ZGRF1: variants seen among roughly 807,000 people sequenced by gnomAD.
ZGRF1 encodes the protein zinc finger GRF-type containing 1, also known as 5'-3' DNA helicase ZGRF1.
A neutral mutation model predicts 203.5 loss-of-function variants in ZGRF1; 196 were observed. That is an observed-to-expected ratio of 0.96 (90% CI 0.86 to 1.08). The LOEUF (loss-of-function observed/expected upper bound fraction) is 1.08, where lower values mean the gene tolerates loss of function less well. ZGRF1 is among the 50% of genes least tolerant of loss of function. ZGRF1 has a pLI of 0.00. For synonymous variants in ZGRF1, 809 were observed against 841.3 expected (o/e 0.96, Z 0.66); for missense variants, 2,326 against 2,416.3 (o/e 0.96, Z 0.78).
intron 18 of ZGRF1, chr4:112,561,235 A>G (rs1741915856): frequency 4.4e-6 from 2 of 455,152 alleles, no homozygotes; most frequent in East Asian, 3.9e-5. Flanking sequence ...AGCATTTTAC[A>G]TATTACTTGA....
intron 18 of ZGRF1, chr4:112,561,336 C>T (rs918004525): frequency 1.7e-4 from 38 of 229,648 alleles, no homozygotes; most frequent in Middle Eastern, 3.5e-3. Flanking sequence ...AATACCACAC[C>T]ACAAATAAGT....
At chr4:112,557,459 G>C (rs565881225) in intron 20 of ZGRF1, among the ~76,000 whole-genome samples, 145 of 152,306 alleles carry the variant, frequency 9.5e-4, no homozygotes, top group African/African-American at 3.3e-3. Flanking sequence ...ACAGGCATGA[G>C]CCACCATGCC....
At chr4:112,579,853 TAA>T (rs1745897506) in intron 16 of ZGRF1, among the ~76,000 whole-genome samples, 1 of 121,614 alleles carries the variant, frequency 8.2e-6, no homozygotes, top group African/African-American at 2.9e-5. Context: ...CTGCCCAAGG[TAA>T]TTTACAGATT....
At chr4:112,634,752 G>A (rs2047526495) in intron 1 of ZGRF1, among the ~76,000 whole-genome samples, 1 of 152,126 alleles carries the variant, frequency 6.6e-6, no homozygotes, top group Non-Finnish European at 1.5e-5. Context: ...GAATAGGTAA[G>A]GGGTATGCAA....
At chr4:112,557,745 A>G (rs1383073259) in intron 20 of ZGRF1, among the ~76,000 whole-genome samples, 1 of 152,192 alleles carries the variant, frequency 6.6e-6, no homozygotes, top group African/African-American at 2.4e-5. Context: ...GGGAGACATT[A>G]CTTCATCAGT....
chr4:112,629,525 C>G (rs916983469), intron 3 of ZGRF1, among the ~76,000 whole-genome samples: 1 of 148,634 alleles, frequency 6.7e-6, no homozygotes, highest in Non-Finnish European at 1.5e-5. Flanking sequence ...GTAAAAATTG[C>G]CAGGTGAGGT....
Position 112,576,835 on chromosome 4 carries a change from C to G in ZGRF1, c.4438+4828G>C, listed in dbSNP as rs542391380. Among the ~76,000 whole-genome samples the G allele has an allele frequency of 6.6e-5, 10 of 152,088 alleles. No homozygotes were observed. In the East Asian group the frequency reaches 1.9e-3, roughly 30 times the overall value. ...CCTGAAAGTGACAGGGAGAATGGAA[C>G]CAAGTTGGAAAACACTCTGCAGGAT... On this transcript the variant is annotated intron_variant, in intron 16 of 27. Coordinates refer to ENST00000505019, the MANE Select transcript of ZGRF1 (RefSeq NM_018392.5).
intron 10 of ZGRF1, among the ~76,000 whole-genome samples, chr4:112,600,937 C>T (rs1749856120): frequency 6.6e-6 from 1 of 152,014 alleles, no homozygotes. Context: ...CCACCTGGTC[C>T]CAGTTTTACT....
intron 7 of ZGRF1, among the ~76,000 whole-genome samples, chr4:112,610,101 A>G (rs1751362178): frequency 1.3e-5 from 2 of 152,134 alleles, no homozygotes; most frequent in South Asian, 4.1e-4. Flanking sequence ...ACGCTACTGC[A>G]GTCCAGCCTG....
At chr4:112,622,784 G>A (rs577423499) in intron 4 of ZGRF1, among the ~76,000 whole-genome samples, 1 of 151,930 alleles carries the variant, frequency 6.6e-6, no homozygotes, top group South Asian at 2.1e-4. Flanking sequence ...TCTTTGAGAG[G>A]AAAAACACAA....
intron 16 of ZGRF1, among the ~76,000 whole-genome samples, chr4:112,580,845 T>A (rs1022962043): frequency 5.3e-5 from 8 of 152,070 alleles, no homozygotes; most frequent in African/African-American, 1.9e-4. Flanking sequence ...GTAAACTAGT[T>A]CAACCATTGT....
At chr4:112,625,280 C>T (rs530403187) in intron 3 of ZGRF1, among the ~76,000 whole-genome samples, 19 of 149,500 alleles carry the variant, frequency 1.3e-4, no homozygotes, top group Non-Finnish European at 2.8e-4. Flanking sequence ...CAGAGCAAGA[C>T]CCTGTCTATT....
chr4:112,539,949 C>T lies in ZGRF1; in HGVS notation c.6086G>A (p.Arg2029Lys), dbSNP rs368597840. ...SEKRMNVALT[R>K]GKRHLLIVGN... is the part of the protein sequence containing the mutation. ...CACAATCAACAAATGCCTCTTTCCT[C>T]TAGTCAATGCAACATTCATTCTTTT... The change falls in exon 27 of 28, where the codon AGA becomes AAA. Residue 2029 changes from arginine to lysine, a missense_variant. Transcript: ENST00000505019. 1.0e-4 allele frequency: 163 copies of T among 1,613,776 alleles called. 1 individual carries two copies. Among genetic ancestry groups the T allele is most frequent in the Non-Finnish European group, 1.3e-4 (158 of 1,179,828 alleles).
intron 11 of ZGRF1, among the ~76,000 whole-genome samples, chr4:112,588,647 A>C (rs1417182050): frequency 6.6e-6 from 1 of 152,200 alleles, no homozygotes; most frequent in African/African-American, 2.4e-5. Context: ...TATATAAACA[A>C]ATGAATAATA....
At chr4:112,595,679 G>A (rs77226231) in intron 10 of ZGRF1, among the ~76,000 whole-genome samples, 4,271 of 152,244 alleles carry the variant, frequency 0.028, 96 homozygotes, top group Middle Eastern at 0.095. Flanking sequence ...AGAAGTCTAA[G>A]TGAAGATTAA....
At chr4:112,583,896 C>T in intron 15 of ZGRF1, 82 bp downstream of exon 15, 2 of 915,670 alleles carry the variant, frequency 2.2e-6, no homozygotes, top group Non-Finnish European at 3.2e-6. Context: ...ATCTTAATCT[C>T]TTTTAAAACT....
chr4:112,606,428 G>A (rs1750786850), intron 8 of ZGRF1, among the ~76,000 whole-genome samples: 1 of 152,150 alleles, frequency 6.6e-6, no homozygotes, highest in South Asian at 2.1e-4. Context: ...TTGGGAGGAC[G>A]AGGCAGGCAG....
chr4:112,622,501 C>T (rs1265005162), intron 4 of ZGRF1, among the ~76,000 whole-genome samples: 1 of 127,398 alleles, frequency 7.8e-6, no homozygotes, highest in African/African-American at 2.9e-5. Context: ...GCCTGGGCAA[C>T]AGAGGGAGAC....
chr4:112,585,500 A>G (rs561022100), intron 14 of ZGRF1, 41 bp downstream of exon 14: 2 of 1,523,722 alleles, frequency 1.3e-6, no homozygotes. Context: ...CCTTTATAAG[A>G]CAAGTATTTG....
Sources: allele counts gnomAD v4.1 joint callset (sites outside exome capture counted in the v4.1 genomes callset), GRCh38; gene constraint gnomAD v4.1.1; transcripts MANE v1.5; gene names NCBI Gene and HGNC (gene_info 2026-07-23, HGNC 2026-07-21).